The following TAF1 variants were observed in gnomAD, a reference collection of about 807,000 sequenced individuals.
TAF1 encodes transcription initiation factor TFIID subunit 1.
In TAF1, 2 loss-of-function variants were observed where a neutral mutation model predicts 138.5. The observed-to-expected ratio is 0.01, with a 90% confidence interval of 0.01 to 0.05. The LOEUF is 0.05. Among genes scored for constraint, TAF1 ranks in the 10% least tolerant of loss-of-function variants. TAF1 has a pLI of 1.00. For missense variants in TAF1, 709 were observed against 1,478.0 expected, an observed-to-expected ratio of 0.48 and a Z score of 8.53; for synonymous variants, 437 against 503.2, an observed-to-expected ratio of 0.87 and a Z score of 1.76.
intron 25 of TAF1, among the ~76,000 whole-genome samples, chrX:71,405,739 G>C (rs1180156172): frequency 8.9e-6 from 1 of 112,147 alleles, no homozygotes; most frequent in African/African-American, 3.2e-5. Context: ...GGACGTGGTG[G>C]CTCATGCCTA....
Position 71,429,272 on chromosome X carries a change from C to A in TAF1, c.4753+5034C>A, listed in dbSNP as rs2036758978. 1.9e-5 allele frequency among the ~76,000 whole-genome samples: 2 copies of A among 108,090 alleles called. 1 individual carries two copies. Among genetic ancestry groups the A allele is most frequent in the South Asian group, 7.8e-4 (2 of 2,579 alleles). 93.9% of individuals were successfully genotyped at this position (108,090 alleles called of 115,157 possible). A position where few individuals can be genotyped will look rare whatever the true frequency, so the allele number is the denominator to read the frequency against. On this transcript the variant is annotated intron_variant, in intron 32 of 37. Transcript: ENST00000423759. ...CCTGGGCGACAGAGCAAGACTCTGT[C>A]TCAAAAAAAAAAGCAGAAGGAAGCA...
chrX:71,443,592 A>G (rs781175499), intron 32 of TAF1, among the ~76,000 whole-genome samples: 5 of 112,114 alleles, frequency 4.5e-5, no homozygotes, highest in Non-Finnish European at 5.6e-5. Context: ...TAGATATACA[A>G]TCATGTCATC....
chrX:71,389,280 G>T (rs766213973), intron 17 of TAF1, among the ~76,000 whole-genome samples: 1 of 111,866 alleles, frequency 8.9e-6, no homozygotes, highest in African/African-American at 3.2e-5. Flanking sequence ...AAAGAGAAAA[G>T]GTCCAGCTGA....
chrX:71,367,987 A>C lies in TAF1; in HGVS notation c.236-67A>C. ...CATCCAGCCTGTACATGTACTTTTAAATGGGAATTATCTGAGGGAGTGAGG... is the reference window on the plus strand; with the variant it reads ...CATCCAGCCTGTACATGTACTTTTACATGGGAATTATCTGAGGGAGTGAGG... On this transcript the variant is annotated intron_variant, in intron 2 of 37. Coordinates refer to ENST00000423759, the MANE Select transcript of TAF1 (RefSeq NM_004606.5). The C allele has an allele frequency of 2.7e-6, 3 of 1,101,250 alleles. 1 individual carries two copies. The allele number at this position is 1,101,250 out of a possible 1,213,427, so 90.8% of individuals were successfully genotyped here.
intron 32 of TAF1, among the ~76,000 whole-genome samples, chrX:71,445,061 C>T (rs932176576): frequency 9.1e-6 from 1 of 110,172 alleles, no homozygotes; most frequent in African/African-American, 3.3e-5. Context: ...GTTGGCAGAA[C>T]GAGACGGGTG....
chrX:71,427,947 G>GA (rs377360452), intron 32 of TAF1, among the ~76,000 whole-genome samples: 576 of 51,010 alleles, frequency 0.011, 6 homozygotes, highest in African/African-American at 0.038. Flanking sequence ...TAAGAAGGAA[G>GA]AAAAAAAAAA....
At chrX:71,462,743 T>A (rs1448631604) in intron 37 of TAF1, among the ~76,000 whole-genome samples, 1 of 111,581 alleles carries the variant, frequency 9.0e-6, no homozygotes, top group African/African-American at 3.3e-5. Context: ...GGTGGTAATG[T>A]CGATTGATAG....
At chrX:71,408,280 A>C (rs2035577489) in intron 28 of TAF1, 129 bp downstream of exon 28, 1 of 785,182 alleles carries the variant, frequency 1.3e-6, no homozygotes, top group South Asian at 2.9e-5. Context: ...TGGGTATGAA[A>C]ATCAGGTAAT....
In TAF1 at chrX:71,464,532, G is replaced by C. The variant is rs766702097; in HGVS notation, c.*486G>C. ...CCAGCTTGGCCAACATGGCGAAACC[G>C]CATCTCTACTAAAAATACAAAAATT... On this transcript the variant is annotated 3_prime_UTR_variant, in exon 38 of 38. Transcript: ENST00000423759. 7.5e-5 allele frequency: 20 copies of C among 265,320 alleles called. No homozygotes were observed. Among genetic ancestry groups the C allele is most frequent in the East Asian group, 6.1e-4 (11 of 18,083 alleles). 21.9% of individuals were successfully genotyped at this position (265,320 alleles called of 1,213,427 possible).
chrX:71,454,795 G>A lies in TAF1; in HGVS notation c.4876G>A (p.Ala1626Thr). ...EKDICTAKEA[A>T]LEEAELESLD... The stretch of plus-strand genomic sequence containing the variant: ...GGATATTTGTACTGCTAAAGAAGCA[G>A]CTTTGGAGGAAGCAGAATTAGAAAG... The change falls in exon 34 of 38, where the codon GCT becomes ACT. Residue 1626 changes from alanine to threonine, a missense_variant. Transcript: ENST00000423759. 2 of 1,211,229 alleles carry A rather than the reference G, an allele frequency of 1.7e-6. No homozygotes were observed. The highest frequency in any genetic ancestry group is 2.2e-6 in the Non-Finnish European group (2 of 895,407).
intron 34 of TAF1, among the ~76,000 whole-genome samples, chrX:71,456,267 C>T (rs765717193): frequency 1.6e-4 from 18 of 112,045 alleles, no homozygotes; most frequent in Admixed American, 5.7e-4. Context: ...TTCTTCACTA[C>T]GTCTCCCAGA....
At chrX:71,389,849 T>C in intron 18 of TAF1, 184 bp downstream of exon 18, 5 of 343,792 alleles carry the variant, frequency 1.5e-5, no homozygotes, top group Non-Finnish European at 1.9e-5. Context: ...TTATATGATA[T>C]GGGTTTGTTT....
chrX:71,496,654 A>T (rs2039402112), intron 13 of TAF1, among the ~76,000 whole-genome samples: 20 of 91,473 alleles, frequency 2.2e-4, no homozygotes, highest in South Asian at 4.9e-4. Context: ...TCTCTCTTTG[A>T]CTTTCTGTCT....
rs1016134550 is a variant in TAF1, at chrX:71,465,818, A to G, written c.*1772A>G. On this transcript the variant is annotated 3_prime_UTR_variant, in exon 38 of 38. Transcript: ENST00000423759. ...GTTTATATATATACTTGTGTATGCA[A>G]AGGTAAAAGTCTGAAAGGATATATG... is the stretch of plus-strand genomic sequence containing the variant. 1 of 112,133 alleles carries G rather than the reference A, an allele frequency of 8.9e-6. No individual in the cohort carries two copies. The highest frequency in any genetic ancestry group is 1.9e-5 in the Non-Finnish European group (1 of 53,272). 9.2% of individuals were successfully genotyped at this position (112,133 alleles called of 1,213,427 possible). A position where few individuals can be genotyped will look rare whatever the true frequency, so the allele number is the denominator to read the frequency against.
rs1245830358 is a variant in TAF1, at chrX:71,465,142, T to G, written c.*1096T>G. The G allele has an allele frequency of 2.7e-5, 3 of 111,892 alleles. No individual in the cohort carries two copies. Among genetic ancestry groups the G allele is most frequent in the African/African-American group, 9.8e-5 (3 of 30,764 alleles). The allele number at this position is 111,892 out of a possible 1,213,427, so 9.2% of individuals were successfully genotyped here. On this transcript the variant is annotated 3_prime_UTR_variant, in exon 38 of 38. Coordinates refer to ENST00000423759, the MANE Select transcript of TAF1 (RefSeq NM_004606.5). ...AGATATGTTACTGAGCATCTGCTTT[T>G]CATGATAAGCACTCTATCAGATCCT...
rs1414849280 is a variant in TAF1, at chrX:71,465,722, A to C, written c.*1676A>C. ...AGAAATCTGTGTAATGAATGAATGAAGAAAGAAATTGAAGAATCATGTAAC... is the reference window on the plus strand; with the variant it reads ...AGAAATCTGTGTAATGAATGAATGACGAAAGAAATTGAAGAATCATGTAAC... On this transcript the variant is annotated 3_prime_UTR_variant, in exon 38 of 38. Transcript: ENST00000423759. The C allele has an allele frequency of 8.9e-6, 1 of 112,307 alleles. No individual in the cohort carries two copies. The highest frequency in any genetic ancestry group is 1.9e-5 in the Non-Finnish European group (1 of 53,316). 9.3% of individuals were successfully genotyped at this position (112,307 alleles called of 1,213,427 possible).
chrX:71,389,275 G>C (rs899549238), intron 17 of TAF1, among the ~76,000 whole-genome samples: 2 of 111,921 alleles, frequency 1.8e-5, no homozygotes, highest in African/African-American at 6.5e-5. Context: ...GGCCAAAAGA[G>C]AAAAGGTCCA....
At position 71,460,676 on chromosome X, in the gene TAF1, A is replaced by G. The variant is rs762686999; in HGVS notation, c.5272A>G (p.Ile1758Val). 21 of 1,209,805 alleles carry G rather than the reference A, an allele frequency of 1.7e-5. No homozygotes were observed. The highest frequency in any genetic ancestry group is 2.2e-5 in the Non-Finnish European group (20 of 895,133). The change falls in exon 37 of 38, where the codon ATA becomes GTA. Residue 1758 changes from isoleucine (I) to valine (V), a missense_variant. Transcript: ENST00000423759. Reference sequence around the variant, plus strand: ...TGACTCTGATGTGGGATCTGGTGGAATAAGACCCAAACAACCCCGCATGCT... The same window carrying G: ...TGACTCTGATGTGGGATCTGGTGGAGTAAGACCCAAACAACCCCGCATGCT... ...GSDSDVGSGG[I>V]RPKQPRMLQE... is the part of the protein sequence containing the mutation.
intron 15 of TAF1, 85 bp downstream of exon 15, chrX:71,387,546 C>T: frequency 1.7e-5 from 19 of 1,099,070 alleles, no homozygotes; most frequent in Non-Finnish European, 2.2e-5. Context: ...TGGCTGTAAT[C>T]CCAGCACTTT....
Sources: allele counts gnomAD v4.1 joint callset (sites outside exome capture counted in the v4.1 genomes callset), GRCh38; gene constraint gnomAD v4.1.1; transcripts MANE v1.5; gene names NCBI Gene and HGNC (gene_info 2026-07-23, HGNC 2026-07-21).